FIP1L1: variants seen among roughly 807,000 people sequenced by gnomAD.
FIP1L1 encodes the protein factor interacting with PAPOLA and CPSF1.
In FIP1L1, 21 loss-of-function variants were observed where a neutral mutation model predicts 84.6. The ratio of observed to expected loss-of-function variants is 0.25; its 90% CI spans 0.18 to 0.36. The LOEUF is 0.36. Among genes scored for constraint, FIP1L1 ranks in the 10% least tolerant of loss-of-function variants. The pLI, the probability that FIP1L1 is intolerant of heterozygous loss-of-function variation, is 1.00. For synonymous variants in FIP1L1, 263 were observed against 242.3 expected (o/e 1.09, Z -0.80); for missense variants, 526 against 751.1 (o/e 0.70, Z 3.50).
chr4:53,380,614 A>G (rs1250063505), intron 3 of FIP1L1, among the ~76,000 whole-genome samples: 1 of 152,200 alleles, frequency 6.6e-6, no homozygotes, highest in African/African-American at 2.4e-5. Flanking sequence ...TGGAAGTAGA[A>G]ATAGCTTAGG....
chr4:53,390,675 G>A, intron 7 of FIP1L1, 47 bp downstream of exon 7: 1 of 1,338,086 alleles, frequency 7.5e-7, no homozygotes, highest in Non-Finnish European at 1.0e-6. Context: ...TCAGTGTGAA[G>A]TCATCAGAAA....
rs568081685 is a variant in FIP1L1, at chr4:53,380,746, A to G, written c.170+1482A>G. 5.8e-4 allele frequency among the ~76,000 whole-genome samples: 89 copies of G among 152,288 alleles called. 1 individual carries two copies. Among genetic ancestry groups the G allele is most frequent in the African/African-American group, 1.9e-3 (80 of 41,572 alleles). On this transcript the variant is annotated intron_variant, in intron 3 of 17. Coordinates refer to ENST00000337488, the MANE Select transcript of FIP1L1 (RefSeq NM_030917.4). ...ATTTATATATTCAACTCAGTTCCTA[A>G]TTCTGATCTCAACCACAAAGTTGAG...
chr4:53,400,354 C>A (rs1418524462), intron 10 of FIP1L1, among the ~76,000 whole-genome samples: 1 of 152,100 alleles, frequency 6.6e-6, no homozygotes, highest in African/African-American at 2.4e-5. Context: ...ATGTAAGAGG[C>A]AAATATGCTA....
rs369432682 is a variant in FIP1L1, at chr4:53,409,180, G to A, written c.816-5435G>A. On this transcript the variant is annotated intron_variant, in intron 10 of 17. Coordinates refer to ENST00000337488, the MANE Select transcript of FIP1L1 (RefSeq NM_030917.4). Reference sequence around the variant, plus strand: ...ATGTACAGATGGGTTTTTGGTGTGGGTGTCCTTTCTGTTTGTTAGTTTTCC... The same window carrying A: ...ATGTACAGATGGGTTTTTGGTGTGGATGTCCTTTCTGTTTGTTAGTTTTCC... Among the ~76,000 whole-genome samples the A allele has an allele frequency of 2.7e-3, 406 of 152,122 alleles. 2 individuals carry two copies. The highest frequency in any genetic ancestry group is 0.017 in the Middle Eastern group (5 of 294).
chr4:53,458,006 G>GC (rs139110954), intron 16 of FIP1L1, among the ~76,000 whole-genome samples: 2,161 of 152,134 alleles, frequency 0.014, 62 homozygotes, highest in African/African-American at 0.05. Context: ...TAGCCATGTA[G>GC]CCCCCCTGCC....
At chr4:53,449,997 G>A (rs1775745453) in intron 15 of FIP1L1, among the ~76,000 whole-genome samples, 1 of 151,940 alleles carries the variant, frequency 6.6e-6, no homozygotes, top group African/African-American at 2.4e-5. Flanking sequence ...TCATAAAATT[G>A]TCGTGTTTTA....
intron 5 of FIP1L1, among the ~76,000 whole-genome samples, chr4:53,385,812 A>G (rs1740714966): frequency 6.6e-6 from 1 of 152,090 alleles, no homozygotes; most frequent in Admixed American, 6.6e-5. Flanking sequence ...TTTATTTTTT[A>G]TTCATTTTAT....
chr4:53,409,138 G>A (rs1387415616), intron 10 of FIP1L1, among the ~76,000 whole-genome samples: 1 of 152,054 alleles, frequency 6.6e-6, no homozygotes, highest in East Asian at 1.9e-4. Context: ...ATCTACTTTT[G>A]GTCTTTGATG....
rs1417571004 is a variant in FIP1L1 at position 53,382,478 on chromosome 4, G to A, written c.228+143G>A. The A allele has an allele frequency of 9.6e-6, 6 of 622,974 alleles. No individual in the cohort carries two copies. The South Asian group carries it at 1.0e-4, about 11-fold the overall frequency. 38.6% of individuals were successfully genotyped at this position (622,974 alleles called of 1,614,324 possible). On this transcript the variant is annotated intron_variant, in intron 4 of 17. Transcript: ENST00000337488. ...CTTTCTTACATCTCCTACTTCATCT[G>A]GTGCCATCAAAAACATATATAGGAA...
chr4:53,381,753 CTTTTTTTTTTTTTT>C (rs531488760), intron 3 of FIP1L1, among the ~76,000 whole-genome samples: 1 of 87,936 alleles, frequency 1.1e-5, no homozygotes. Context: ...CATTTGCATT[CTTTTTTTTTTTTTT>C]TTTTTTTTTT....
chr4:53,460,795 A>T lies in FIP1L1; in HGVS notation c.*1346A>T. ...ATTAGATGATCATACTTTTCCTGAC[A>T]TTTTTACAATGTATTCTTTCTTTAA... On this transcript the variant is annotated 3_prime_UTR_variant, in exon 18 of 18. Transcript: ENST00000337488. The T allele has an allele frequency of 9.0e-7, 1 of 1,114,340 alleles. No individual in the cohort carries two copies. Among genetic ancestry groups the T allele is most frequent in the South Asian group, 1.6e-5 (1 of 63,592 alleles). The allele number at this position is 1,114,340 out of a possible 1,614,324, so 69.0% of individuals were successfully genotyped here.
intron 5 of FIP1L1, among the ~76,000 whole-genome samples, chr4:53,385,326 T>G (rs1025066694): frequency 1.8e-4 from 28 of 152,048 alleles, no homozygotes; most frequent in African/African-American, 6.5e-4. Context: ...GGATGGGACC[T>G]TTTTTTGGTA....
intron 6 of FIP1L1, 45 bp from the exon 7 acceptor site, chr4:53,390,476 C>A: frequency 8.0e-7 from 1 of 1,248,502 alleles, no homozygotes; most frequent in Non-Finnish European, 1.2e-6. Context: ...TATCGCCTGG[C>A]TTCTTGCAAG....
chr4:53,378,201 C>T (rs1477903226), intron 1 of FIP1L1: 2 of 343,756 alleles, frequency 5.8e-6, no homozygotes. Flanking sequence ...TGTGCTTTCC[C>T]CGAGGCGTCT....
At chr4:53,424,860 G>T (rs1763715191) in intron 11 of FIP1L1, among the ~76,000 whole-genome samples, 1 of 152,136 alleles carries the variant, frequency 6.6e-6, no homozygotes, top group African/African-American at 2.4e-5. Flanking sequence ...GCTTGTGTCA[G>T]TGATTTCACT....
intron 4 of FIP1L1, among the ~76,000 whole-genome samples, chr4:53,382,663 T>C (rs529341900): frequency 4.7e-4 from 71 of 152,372 alleles, no homozygotes; most frequent in Non-Finnish European, 8.1e-4. Context: ...CTTTCACTGT[T>C]ACGATTTTTT....
chr4:53,393,261 C>A (rs1745263180), intron 9 of FIP1L1, among the ~76,000 whole-genome samples: 1 of 152,010 alleles, frequency 6.6e-6, no homozygotes, highest in African/African-American at 2.4e-5. Flanking sequence ...TGAACTAGGG[C>A]CTGAACTCAC....
At chr4:53,381,323 T>G (rs1195104319) in intron 3 of FIP1L1, among the ~76,000 whole-genome samples, 1 of 152,222 alleles carries the variant, frequency 6.6e-6, no homozygotes, top group Non-Finnish European at 1.5e-5. Flanking sequence ...TCCTACTGAC[T>G]GGCTCATTGC....
At chr4:53,407,751 G>T (rs1317620117) in intron 10 of FIP1L1, among the ~76,000 whole-genome samples, 1 of 152,076 alleles carries the variant, frequency 6.6e-6, no homozygotes, top group Non-Finnish European at 1.5e-5. Flanking sequence ...TTATGTAATG[G>T]CCTTCTTTGT....
Sources: gnomAD v4.1 joint callset for allele counts (sites outside exome capture counted in the v4.1 genomes callset) on GRCh38, gnomAD v4.1.1 for gene constraint, MANE v1.5 for transcripts, NCBI Gene and HGNC (gene_info 2026-07-23, HGNC 2026-07-21) for gene names.